The following DDR2 variants were observed in gnomAD, a reference collection of about 807,000 sequenced individuals.
DDR2 encodes discoidin domain-containing receptor 2.
A neutral mutation model predicts 94.9 loss-of-function variants in DDR2; 27 were observed. That is an observed-to-expected ratio of 0.28 (90% CI 0.21 to 0.39). The LOEUF is 0.39. Ranked by LOEUF, DDR2 falls within the 10% of genes least tolerant of loss-of-function variation. DDR2 has a pLI of 1.00. For missense variants in DDR2, 783 were observed against 1,076.0 expected (o/e 0.73, Z 3.81); for synonymous variants, 382 against 377.2 (o/e 1.01, Z -0.15).
At chr1:162,689,143 C>T (rs975287961) in intron 2 of DDR2, among the ~76,000 whole-genome samples, 3 of 152,154 alleles carry the variant, frequency 2.0e-5, no homozygotes, top group Non-Finnish European at 2.9e-5. Context: ...GACTGTGGCT[C>T]GGGTGCCAGT....
chr1:162,701,235 C>T (rs1321138159), intron 2 of DDR2, among the ~76,000 whole-genome samples: 1 of 152,218 alleles, frequency 6.6e-6, no homozygotes, highest in Non-Finnish European at 1.5e-5. Flanking sequence ...GTCTTCCAGA[C>T]CTGACTTCTG....
chr1:162,750,132 G>A (rs1399723316), intron 3 of DDR2, among the ~76,000 whole-genome samples: 3 of 152,202 alleles, frequency 2.0e-5, no homozygotes, highest in Non-Finnish European at 2.9e-5. Flanking sequence ...TAGTTTGGAT[G>A]TTCTGGCCAG....
At chr1:162,773,111 T>G (rs1469179920) in intron 13 of DDR2, among the ~76,000 whole-genome samples, 2 of 152,208 alleles carry the variant, frequency 1.3e-5, no homozygotes, top group Non-Finnish European at 2.9e-5. Context: ...GGAAATTGCC[T>G]TACGTTTTAC....
intron 3 of DDR2, among the ~76,000 whole-genome samples, chr1:162,743,011 C>T (rs898324369): frequency 1.3e-5 from 2 of 152,112 alleles, no homozygotes; most frequent in Non-Finnish European, 2.9e-5. Context: ...CTGGGAGATA[C>T]AATTCAAGTT....
At chr1:162,767,175 T>A in intron 10 of DDR2, 54 bp from the exon 11 acceptor site, 1 of 1,613,300 alleles carries the variant, frequency 6.2e-7, no homozygotes, top group East Asian at 2.2e-5. Flanking sequence ...TCCCTCATAC[T>A]TTTACTTGAC....
chr1:162,778,491 AAGGGGTAT>A, intron 16 of DDR2, 81 bp from the exon 17 acceptor site: 1 of 1,515,622 alleles, frequency 6.6e-7, no homozygotes, highest in Non-Finnish European at 9.2e-7. Context: ...GTGGTGGGGG[AAGGGGTAT>A]AGCTGCAGAT....
intron 3 of DDR2, among the ~76,000 whole-genome samples, chr1:162,720,113 A>G (rs775296361): frequency 1.3e-5 from 2 of 151,928 alleles, no homozygotes; most frequent in Non-Finnish European, 2.9e-5. Context: ...TAGATGGTAA[A>G]GGTCTGGGAT....
rs530986790 is a variant in DDR2 at position 162,639,526 on chromosome 1, T to C, written c.-192+6895T>C. On this transcript the variant is annotated intron_variant, in intron 1 of 17. Coordinates refer to ENST00000367921, the MANE Select transcript of DDR2 (RefSeq NM_006182.4). ...AGACCAAAATGTAAATGCAAAACAATGAAACTCATAGAAAATAACATAGGA... is the reference window on the plus strand; with the variant it reads ...AGACCAAAATGTAAATGCAAAACAACGAAACTCATAGAAAATAACATAGGA... Among the ~76,000 whole-genome samples the C allele has an allele frequency of 3.9e-5, 6 of 152,226 alleles. No homozygotes were observed. In the South Asian group the frequency reaches 1.2e-3, roughly 32 times the overall value.
intron 3 of DDR2, among the ~76,000 whole-genome samples, chr1:162,738,116 G>A (rs966887017): frequency 6.9e-6 from 1 of 145,548 alleles, no homozygotes; most frequent in Admixed American, 7.0e-5. Flanking sequence ...GGGCAATCAG[G>A]CAGGAGAAGG....
chr1:162,696,391 C>A (rs1020372531), intron 2 of DDR2, among the ~76,000 whole-genome samples: 3 of 151,966 alleles, frequency 2.0e-5, no homozygotes, highest in South Asian at 2.1e-4. Context: ...GCCATCTCCC[C>A]CTGAAAGGCC....
chr1:162,727,382 A>T (rs1661740455), intron 3 of DDR2, among the ~76,000 whole-genome samples: 1 of 144,284 alleles, frequency 6.9e-6, no homozygotes, highest in African/African-American at 2.5e-5. Flanking sequence ...TTATATATAG[A>T]TATATCTATA....
intron 2 of DDR2, among the ~76,000 whole-genome samples, chr1:162,694,319 G>A (rs979969928): frequency 1.3e-5 from 2 of 152,046 alleles, no homozygotes; most frequent in African/African-American, 4.8e-5. Flanking sequence ...CTGCTTTGCC[G>A]TACACTCCGT....
intron 7 of DDR2, among the ~76,000 whole-genome samples, chr1:162,756,277 G>A (rs185413496): frequency 6.6e-6 from 1 of 152,286 alleles, no homozygotes; most frequent in East Asian, 1.9e-4. Flanking sequence ...GCAGAGGAAG[G>A]TAGGTAGAAG....
chr1:162,746,543 C>A (rs1456014998), intron 3 of DDR2, among the ~76,000 whole-genome samples: 1 of 152,226 alleles, frequency 6.6e-6, no homozygotes, highest in East Asian at 1.9e-4. Flanking sequence ...CCTCTGTGGG[C>A]AGGGCGTAGC....
At chr1:162,693,886 T>G (rs778108208) in intron 2 of DDR2, among the ~76,000 whole-genome samples, 22 of 152,164 alleles carry the variant, frequency 1.4e-4, no homozygotes, top group Non-Finnish European at 3.1e-4. Flanking sequence ...TCTCTCTCTC[T>G]TCTTCACCTT....
At chr1:162,739,981 A>G (rs951356503) in intron 3 of DDR2, among the ~76,000 whole-genome samples, 2 of 151,330 alleles carry the variant, frequency 1.3e-5, no homozygotes, top group Admixed American at 6.6e-5. Flanking sequence ...AAAAAAAAAG[A>G]CTGAAGGATG....
chr1:162,633,746 G>T (rs1201405940), intron 1 of DDR2, among the ~76,000 whole-genome samples: 1 of 152,230 alleles, frequency 6.6e-6, no homozygotes, highest in African/African-American at 2.4e-5. Context: ...GCCAATGGCG[G>T]CTCATCAGCT....
chr1:162,662,958 C>T (rs1159556424), intron 2 of DDR2, among the ~76,000 whole-genome samples: 1 of 152,076 alleles, frequency 6.6e-6, no homozygotes, highest in Non-Finnish European at 1.5e-5. Context: ...GGACAGAGGA[C>T]CCTTTCCAGC....
chr1:162,780,145 T>G lies in DDR2; in HGVS notation c.2467T>G (p.Ser823Ala). 1 of 1,614,058 alleles carries G rather than the reference T, an allele frequency of 6.2e-7. No homozygotes were observed. The highest frequency in any genetic ancestry group is 8.5e-7 in the Non-Finnish European group (1 of 1,179,930). The change falls in exon 18 of 18, where the codon TCT becomes GCT. Residue 823 changes from serine to alanine, a missense_variant. Physicochemically the swap from Ser to Ala is moderately conservative, Grantham distance 99. Transcript: ENST00000367921. The stretch of plus-strand genomic sequence containing the variant: ...CCCTCAACCAGCCATTTGTCCTGAC[T>G]CTGTGTATAAGCTGATGCTCAGCTG... ...YLPQPAICPDSVYKLMLSCWR... is the reference protein window; with the variant it reads ...YLPQPAICPDAVYKLMLSCWR...
Sources: allele counts gnomAD v4.1 joint callset (sites outside exome capture counted in the v4.1 genomes callset), GRCh38; gene constraint gnomAD v4.1.1; transcripts MANE v1.5; gene names NCBI Gene and HGNC (gene_info 2026-07-23, HGNC 2026-07-21).